The following COL21A1 variants were observed in gnomAD, a reference collection of about 807,000 sequenced individuals.
COL21A1 encodes the protein collagen alpha-1(XXI) chain.
In COL21A1, 149 loss-of-function variants were observed where a neutral mutation model predicts 137.9. The ratio of observed to expected loss-of-function variants is 1.08; its 90% CI spans 0.95 to 1.24. COL21A1 has a LOEUF of 1.24. COL21A1 is among the 50% of genes most tolerant of loss of function. The pLI, the probability that COL21A1 is intolerant of heterozygous loss-of-function variation, is 0.00. For missense variants in COL21A1, 1,167 were observed against 1,158.4 expected (o/e 1.01, Z -0.11); for synonymous variants, 456 against 391.5 (o/e 1.16, Z -1.95).
intron 23 of COL21A1, 21 bp from the exon 24 acceptor site, chr6:56,064,643 T>G (rs1227932918): frequency 4.6e-6 from 7 of 1,537,392 alleles, no homozygotes; most frequent in Middle Eastern, 3.4e-4. Flanking sequence ...AAAAAAAACA[T>G]TATTGATTAG....
intron 17 of COL21A1, among the ~76,000 whole-genome samples, chr6:56,093,814 C>T (rs1582313688): frequency 6.6e-6 from 1 of 152,056 alleles, no homozygotes; most frequent in East Asian, 1.9e-4. Context: ...TGTAAGTTTC[C>T]TGTATATATA....
chr6:56,287,790 A>C (rs1231944824), intron 1 of COL21A1, among the ~76,000 whole-genome samples: 1 of 152,092 alleles, frequency 6.6e-6, no homozygotes, highest in East Asian at 1.9e-4. Flanking sequence ...GATTATCCAG[A>C]TAGGCCGTAA....
chr6:56,082,242 C>A (rs1036905090), intron 17 of COL21A1, among the ~76,000 whole-genome samples: 3 of 151,786 alleles, frequency 2.0e-5, no homozygotes, highest in African/African-American at 7.3e-5. Context: ...AGTCATGTAG[C>A]CACCAGAGCC....
chr6:56,290,498 G>GTTTTTTTTTTTTTTTTTT lies in COL21A1; in HGVS notation c.-39+103472_-39+103473insAAAAAAAAAAAAAAAAAA, dbSNP rs371058894. On this transcript the variant is annotated intron_variant, in intron 1 of 28. Transcript: ENST00000370819. ...AGATGCATATTAGAATCACTTAGGA[G>GTTTTTTTTTTTTTTTTTT]ATTTTTTTTTTTTTTTTTTGAGACG... Among the ~76,000 whole-genome samples the GTTTTTTTTTTTTTTTTTT allele has an allele frequency of 1.5e-5, 2 of 132,960 alleles. 1 individual carries two copies. The highest frequency in any genetic ancestry group is 5.8e-5 in the African/African-American group (2 of 34,310). 87.2% of individuals were successfully genotyped at this position (132,960 alleles called of 152,430 possible). A position where few individuals can be genotyped will look rare whatever the true frequency, so the allele number is the denominator to read the frequency against.
intron 1 of COL21A1, among the ~76,000 whole-genome samples, chr6:56,204,182 T>C (rs1243204745): frequency 6.6e-6 from 1 of 152,062 alleles, no homozygotes; most frequent in Admixed American, 6.5e-5. Context: ...AGCCAAGTGG[T>C]CTAGCTCCGT....
At chr6:56,210,743 T>C (rs1338608652) in intron 1 of COL21A1, among the ~76,000 whole-genome samples, 1 of 152,140 alleles carries the variant, frequency 6.6e-6, no homozygotes, top group Non-Finnish European at 1.5e-5. Context: ...TATAGCTACC[T>C]AAATAAAAGA....
intron 25 of COL21A1, chr6:56,061,299 G>A: frequency 2.0e-6 from 1 of 490,772 alleles, no homozygotes; most frequent in South Asian, 3.7e-5. Flanking sequence ...TACGCATACT[G>A]CCAGAGATAA....
intron 17 of COL21A1, among the ~76,000 whole-genome samples, chr6:56,084,236 CA>C (rs1333163159): frequency 6.7e-6 from 1 of 149,476 alleles, no homozygotes; most frequent in Non-Finnish European, 1.5e-5. Flanking sequence ...ATATAAAAAA[CA>C]TTAATAAGAG....
At chr6:56,070,825 T>A (rs746125801) in intron 20 of COL21A1, 27 bp from the exon 21 acceptor site, 3 of 1,557,508 alleles carry the variant, frequency 1.9e-6, no homozygotes, top group African/African-American at 2.8e-5. Flanking sequence ...AACATTGGAG[T>A]TTTTTAAAAA....
chr6:56,119,326 T>C (rs1772244325), intron 16 of COL21A1, among the ~76,000 whole-genome samples: 1 of 151,946 alleles, frequency 6.6e-6, no homozygotes, highest in Admixed American at 6.6e-5. Context: ...CCATTTACAA[T>C]AGTCACAAAT....
intron 16 of COL21A1, among the ~76,000 whole-genome samples, chr6:56,119,634 A>G (rs1333672714): frequency 6.6e-6 from 1 of 152,146 alleles, no homozygotes. Flanking sequence ...AAGTGGAGGA[A>G]TTACATTACC....
intron 1 of COL21A1, among the ~76,000 whole-genome samples, chr6:56,338,090 G>C (rs1765375987): frequency 6.6e-6 from 1 of 150,988 alleles, no homozygotes; most frequent in Admixed American, 6.6e-5. Flanking sequence ...ATCCTCCCAA[G>C]TAGCTGGGAC....
intron 1 of COL21A1, among the ~76,000 whole-genome samples, chr6:56,320,103 A>T (rs1444833451): frequency 1.3e-5 from 2 of 152,036 alleles, no homozygotes; most frequent in Non-Finnish European, 2.9e-5. Context: ...CTGGCATCTT[A>T]CCTTCTGCCA....
At chr6:56,250,995 A>G (rs1782840345), upstream of COL21A1, among the ~76,000 whole-genome samples, 1 of 152,142 alleles carries the variant, frequency 6.6e-6, no homozygotes, top group Admixed American at 6.5e-5. Flanking sequence ...CTTCCTCCTC[A>G]ATAACAGATA....
chr6:56,152,686 T>A (rs1037450348), intron 10 of COL21A1, among the ~76,000 whole-genome samples: 8 of 152,114 alleles, frequency 5.3e-5, no homozygotes, highest in East Asian at 1.9e-4. Flanking sequence ...TTTTTTTTTT[T>A]AAACAAAGAA....
At chr6:56,296,883 T>C (rs1365327407) in intron 1 of COL21A1, among the ~76,000 whole-genome samples, 1 of 152,084 alleles carries the variant, frequency 6.6e-6, no homozygotes, top group Non-Finnish European at 1.5e-5. Flanking sequence ...TTATCAAAGA[T>C]GGGTTTCCAA....
In COL21A1 at chr6:56,060,909, T is replaced by TG. The variant is rs1765738207; in HGVS notation, c.2333dup (p.Gly779ArgfsTer37). The TG allele has an allele frequency of 1.3e-6, 2 of 1,577,588 alleles. No homozygotes were observed. Among genetic ancestry groups the TG allele is most frequent in the Middle Eastern group, 1.7e-4 (1 of 5,848 alleles). On this transcript the variant is annotated frameshift_variant, in exon 26 of 30. Transcript: ENST00000244728. LOFTEE classifies it high-confidence loss of function. ...TACATACGGGCTTCCCATCCAAACC[T>TG]GGGGGTCCCTGAGGACCTGGATCCC...
intron 17 of COL21A1, among the ~76,000 whole-genome samples, chr6:56,095,652 T>C (rs1181746945): frequency 6.6e-6 from 1 of 152,184 alleles, no homozygotes; most frequent in African/African-American, 2.4e-5. Flanking sequence ...TCAGTTCTTC[T>C]CAGAGTATGC....
intron 1 of COL21A1, among the ~76,000 whole-genome samples, chr6:56,210,488 T>C (rs1780089643): frequency 1.3e-5 from 2 of 152,122 alleles, no homozygotes; most frequent in East Asian, 3.9e-4. Flanking sequence ...CAACCCCTAA[T>C]GAATAATAAA....
Sources: gnomAD v4.1 joint callset for allele counts (sites outside exome capture counted in the v4.1 genomes callset) on GRCh38, gnomAD v4.1.1 for gene constraint, MANE v1.5 for transcripts, NCBI Gene and HGNC (gene_info 2026-07-23, HGNC 2026-07-21) for gene names.